The following CTNNA3 variants were observed in gnomAD, a reference collection of about 807,000 sequenced individuals.
CTNNA3 encodes the protein catenin alpha 3.
Under a neutral mutation model 95.7 loss-of-function variants are expected in CTNNA3, and 76 were observed. The observed-to-expected ratio is 0.79, with a 90% CI of 0.66 to 0.96. CTNNA3 has a LOEUF of 0.96. CTNNA3 is among the 40% of genes least tolerant of loss of function. The pLI is 0.00. For missense variants in CTNNA3, 1,191 were observed against 1,089.8 expected (o/e 1.09, Z -1.31); for synonymous variants, 431 against 374.4 (o/e 1.15, Z -1.74).
At chr10:66,333,802 T>C (rs374847963) in intron 12 of CTNNA3, among the ~76,000 whole-genome samples, 2 of 151,632 alleles carry the variant, frequency 1.3e-5, no homozygotes, top group South Asian at 2.1e-4. Flanking sequence ...TTCTGTCTCG[T>C]TGATCTGTCT....
chr10:66,580,917 G>A (rs1356490149), intron 10 of CTNNA3, among the ~76,000 whole-genome samples: 1 of 151,650 alleles, frequency 6.6e-6, no homozygotes, highest in African/African-American at 2.4e-5. Flanking sequence ...CCCCTTTTAA[G>A]TCTTCGATGT....
At chr10:66,853,093 T>A (rs1240170260) in intron 7 of CTNNA3, among the ~76,000 whole-genome samples, 1 of 152,130 alleles carries the variant, frequency 6.6e-6, no homozygotes, top group Non-Finnish European at 1.5e-5. Context: ...AAGAGTTGAA[T>A]AAAACTTAAA....
chr10:67,334,751 A>G (rs142286518), intron 5 of CTNNA3: 1 of 152,898 alleles, frequency 6.5e-6, no homozygotes, highest in African/African-American at 2.4e-5. Flanking sequence ...GGTGGAAGCT[A>G]TCAGTACTAA....
intron 13 of CTNNA3, among the ~76,000 whole-genome samples, chr10:66,200,027 T>C (rs2087291072): frequency 1.3e-5 from 2 of 150,806 alleles, no homozygotes; most frequent in Admixed American, 1.3e-4. Flanking sequence ...TGGCATATTA[T>C]TGATTGATTT....
intron 7 of CTNNA3, among the ~76,000 whole-genome samples, chr10:66,905,965 G>C (rs1845972632): frequency 6.6e-6 from 1 of 152,104 alleles, no homozygotes; most frequent in Non-Finnish European, 1.5e-5. Context: ...ATTTTGTTAA[G>C]AAGTAGATCT....
At chr10:67,186,422 C>G (rs1022102948) in intron 6 of CTNNA3, among the ~76,000 whole-genome samples, 1 of 152,160 alleles carries the variant, frequency 6.6e-6, no homozygotes, top group East Asian at 1.9e-4. Flanking sequence ...TTAAGACTTC[C>G]GATTCTTCAA....
chr10:65,965,275 G>A (rs2077933233), intron 17 of CTNNA3, among the ~76,000 whole-genome samples: 2 of 151,736 alleles, frequency 1.3e-5, no homozygotes, highest in South Asian at 2.1e-4. Flanking sequence ...ATGACATTGG[G>A]AAAGCTATAT....
At chr10:67,180,549 G>T in intron 6 of CTNNA3, 29 bp from the exon 7 acceptor site, 1 of 1,529,228 alleles carries the variant, frequency 6.5e-7, no homozygotes, top group South Asian at 1.1e-5. Context: ...TGTATGGTTA[G>T]AGCTCCATGG....
chr10:65,974,530 A>T (rs2078172938), intron 16 of CTNNA3, among the ~76,000 whole-genome samples: 1 of 152,146 alleles, frequency 6.6e-6, no homozygotes, highest in African/African-American at 2.4e-5. Flanking sequence ...TACAAGTAGG[A>T]GGTAAAGAAT....
At chr10:65,973,643 C>T (rs919507367) in intron 16 of CTNNA3, among the ~76,000 whole-genome samples, 1 of 152,038 alleles carries the variant, frequency 6.6e-6, no homozygotes, top group Non-Finnish European at 1.5e-5. Flanking sequence ...ACAAGCATTG[C>T]GTTGGCATCC....
At chr10:67,415,324 C>T (rs753623604) in intron 5 of CTNNA3, among the ~76,000 whole-genome samples, 42 of 152,248 alleles carry the variant, frequency 2.8e-4, no homozygotes, top group Middle Eastern at 3.4e-3. Flanking sequence ...AATCAATGTA[C>T]AAAAATCAGT....
chr10:66,903,959 T>C (rs1402381284), intron 7 of CTNNA3, among the ~76,000 whole-genome samples: 1 of 152,154 alleles, frequency 6.6e-6, no homozygotes. Context: ...CTGCCCAAGG[T>C]AATTTATAGA....
chr10:66,504,110 A>G (rs1248354653), intron 11 of CTNNA3, among the ~76,000 whole-genome samples: 2 of 152,124 alleles, frequency 1.3e-5, no homozygotes, highest in Non-Finnish European at 2.9e-5. Flanking sequence ...ATATATTGTT[A>G]TTAACTATAG....
At chr10:67,283,585 C>T (rs1464705635) in intron 5 of CTNNA3, among the ~76,000 whole-genome samples, 2 of 152,082 alleles carry the variant, frequency 1.3e-5, no homozygotes, top group African/African-American at 4.8e-5. Flanking sequence ...AGATGCAGAC[C>T]CCAGAAGCAT....
chr10:66,416,906 T>C (rs920179443), intron 11 of CTNNA3, among the ~76,000 whole-genome samples: 4 of 151,952 alleles, frequency 2.6e-5, no homozygotes, highest in Non-Finnish European at 4.4e-5. Context: ...TGGAAAAAGA[T>C]AGGGCTCAAA....
chr10:67,119,414 A>AC (rs1301198715), intron 7 of CTNNA3, among the ~76,000 whole-genome samples: 2 of 151,908 alleles, frequency 1.3e-5, no homozygotes, highest in Non-Finnish European at 2.9e-5. Flanking sequence ...AAAAACATAC[A>AC]CACAAAAACT....
chr10:66,819,160 T>C (rs1842209008), intron 7 of CTNNA3, among the ~76,000 whole-genome samples: 1 of 146,154 alleles, frequency 6.8e-6, no homozygotes, highest in African/African-American at 2.5e-5. Context: ...ATCAATAGAA[T>C]AGACTGGAGA....
At chr10:67,377,906 C>G (rs765533968) in intron 5 of CTNNA3, among the ~76,000 whole-genome samples, 1 of 151,904 alleles carries the variant, frequency 6.6e-6, no homozygotes, top group African/African-American at 2.4e-5. Flanking sequence ...TTTTAAGAGA[C>G]AGTCTTGCTC....
rs557937586 is a variant in CTNNA3, at chr10:66,594,284, T to C, written c.1374+27408A>G. Among the ~76,000 whole-genome samples, 14 of 152,302 alleles carry C rather than the reference T, an allele frequency of 9.2e-5. No individual in the cohort carries two copies. The South Asian group carries it at 1.0e-3, about 11-fold the overall frequency. On this transcript the variant is annotated intron_variant, in intron 10 of 17. Coordinates refer to ENST00000433211, the MANE Select transcript of CTNNA3 (RefSeq NM_013266.4). ...CATTTTCTCAATGTGACAAGTTTCATTGTTTCCACAACCACCACCTTTGGT... is the reference window on the plus strand; with the variant it reads ...CATTTTCTCAATGTGACAAGTTTCACTGTTTCCACAACCACCACCTTTGGT...
Sources: gnomAD v4.1 joint callset for allele counts (sites outside exome capture counted in the v4.1 genomes callset) on GRCh38, gnomAD v4.1.1 for gene constraint, MANE v1.5 for transcripts, NCBI Gene and HGNC (gene_info 2026-07-23, HGNC 2026-07-21) for gene names.